The following ARHGAP24 variants were observed in gnomAD, a reference collection of about 807,000 sequenced individuals.
ARHGAP24 encodes rho GTPase-activating protein 24.
In ARHGAP24, 50 loss-of-function variants were observed where a neutral mutation model predicts 76.4. The ratio of observed to expected loss-of-function variants is 0.65; its 90% CI spans 0.52 to 0.83. The LOEUF (loss-of-function observed/expected upper bound fraction) is 0.83. Ranked by LOEUF, ARHGAP24 falls within the 40% of genes least tolerant of loss-of-function variation. The probability of loss-of-function intolerance (pLI) is 0.00; values close to 1 mark genes in which losing one functional copy is unlikely to be tolerated. For synonymous variants in ARHGAP24, 345 were observed against 323.3 expected (o/e 1.07, Z -0.72); for missense variants, 930 against 914.2 (o/e 1.02, Z -0.22).
chr4:85,590,192 G>GCCTGCCTT (rs1560543834), intron 2 of ARHGAP24, among the ~76,000 whole-genome samples: 20 of 111,308 alleles, frequency 1.8e-4, no homozygotes, highest in Middle Eastern at 4.6e-3. Context: ...CTGCCTGCCT[G>GCCTGCCTT]CCTTCCTTCC....
intron 2 of ARHGAP24, among the ~76,000 whole-genome samples, chr4:85,703,059 A>G (rs995724035): frequency 6.6e-6 from 1 of 152,010 alleles, no homozygotes; most frequent in Non-Finnish European, 1.5e-5. Flanking sequence ...AAAAGAAACT[A>G]AGGATCCTAC....
chr4:85,731,008 AC>A (rs1725379498), intron 3 of ARHGAP24, among the ~76,000 whole-genome samples: 2 of 131,606 alleles, frequency 1.5e-5, no homozygotes, highest in Non-Finnish European at 3.1e-5. Flanking sequence ...ACACACACAC[AC>A]ACACACACAC....
chr4:85,798,980 G>C (rs147594782), intron 3 of ARHGAP24, among the ~76,000 whole-genome samples: 1 of 152,252 alleles, frequency 6.6e-6, no homozygotes, highest in African/African-American at 2.4e-5. Flanking sequence ...TGCAAATAAA[G>C]AGGACAGAAA....
At chr4:85,522,903 A>T (rs1724842112) in intron 1 of ARHGAP24, among the ~76,000 whole-genome samples, 2 of 152,060 alleles carry the variant, frequency 1.3e-5, no homozygotes, top group African/African-American at 2.4e-5. Flanking sequence ...CCTCACTTTG[A>T]CTTTTCTTTT....
chr4:85,969,658 C>G (rs1738844294), intron 5 of ARHGAP24, among the ~76,000 whole-genome samples: 1 of 152,026 alleles, frequency 6.6e-6, no homozygotes, highest in Non-Finnish European at 1.5e-5. Context: ...TTTTTTACTA[C>G]TAATGACTGT....
chr4:85,987,335 T>G (rs1740061880), intron 8 of ARHGAP24, among the ~76,000 whole-genome samples: 2 of 152,200 alleles, frequency 1.3e-5, no homozygotes, highest in South Asian at 4.1e-4. Context: ...CTTCACTCTG[T>G]GCCAGAACGA....
At chr4:85,861,798 G>A (rs1463282951) in intron 3 of ARHGAP24, among the ~76,000 whole-genome samples, 5 of 151,924 alleles carry the variant, frequency 3.3e-5, no homozygotes, top group Admixed American at 2.0e-4. Context: ...AAAGATCCCC[G>A]CATGAGCCTA....
intron 4 of ARHGAP24, among the ~76,000 whole-genome samples, chr4:85,935,088 A>G (rs1420641819): frequency 1.3e-5 from 2 of 152,230 alleles, no homozygotes; most frequent in African/African-American, 2.4e-5. Context: ...GACAAGACCA[A>G]CATCCTCTTT....
chr4:85,898,383 CT>C (rs1734314136), intron 3 of ARHGAP24, among the ~76,000 whole-genome samples: 1 of 152,050 alleles, frequency 6.6e-6, no homozygotes, highest in African/African-American at 2.4e-5. Flanking sequence ...AGCTTCATGC[CT>C]AAACTAGGGT....
intron 2 of ARHGAP24, among the ~76,000 whole-genome samples, chr4:85,616,836 C>T (rs1350021223): frequency 1.3e-5 from 2 of 151,988 alleles, no homozygotes; most frequent in Admixed American, 6.5e-5. Flanking sequence ...CCATGTTGAC[C>T]AGGCTGGTCT....
chr4:85,952,391 G>C (rs1375137304), intron 5 of ARHGAP24, among the ~76,000 whole-genome samples: 1 of 152,090 alleles, frequency 6.6e-6, no homozygotes, highest in Non-Finnish European at 1.5e-5. Flanking sequence ...GCACATATCT[G>C]TCCTCAGCTG....
chr4:85,596,142 G>T (rs1719827554), intron 2 of ARHGAP24, among the ~76,000 whole-genome samples: 1 of 151,766 alleles, frequency 6.6e-6, no homozygotes. Context: ...TAAACAGAAT[G>T]GAATATGATG....
intron 3 of ARHGAP24, among the ~76,000 whole-genome samples, chr4:85,914,902 A>G (rs1318040838): frequency 1.3e-5 from 2 of 152,214 alleles, no homozygotes; most frequent in Non-Finnish European, 2.9e-5. Context: ...ATCTGAACAT[A>G]AATACCATCT....
chr4:85,798,206 G>C (rs149838496), intron 3 of ARHGAP24, among the ~76,000 whole-genome samples: 1 of 152,284 alleles, frequency 6.6e-6, no homozygotes, highest in African/African-American at 2.4e-5. Flanking sequence ...AGCAATAGTG[G>C]TATGCCTGTG....
intron 3 of ARHGAP24, among the ~76,000 whole-genome samples, chr4:85,790,035 A>G (rs1338507221): frequency 6.6e-6 from 1 of 152,150 alleles, no homozygotes; most frequent in Non-Finnish European, 1.5e-5. Flanking sequence ...AGGTGCAGAA[A>G]TCACTTGAAG....
intron 3 of ARHGAP24, among the ~76,000 whole-genome samples, chr4:85,874,460 T>C (rs1413364327): frequency 1.3e-5 from 2 of 152,122 alleles, no homozygotes; most frequent in African/African-American, 4.8e-5. Flanking sequence ...AATAAGCCAC[T>C]ACTGGAAAAA....
At chr4:85,597,476 G>C (rs1449104402) in intron 2 of ARHGAP24, among the ~76,000 whole-genome samples, 1 of 151,906 alleles carries the variant, frequency 6.6e-6, no homozygotes, top group Non-Finnish European at 1.5e-5. Flanking sequence ...AAGGGTGAGG[G>C]GTAAGGTGCA....
At chr4:85,910,540 C>T (rs1735019759) in intron 3 of ARHGAP24, among the ~76,000 whole-genome samples, 1 of 152,120 alleles carries the variant, frequency 6.6e-6, no homozygotes, top group South Asian at 2.1e-4. Context: ...GAGAGGAGAA[C>T]CTGGAGTGGG....
At chr4:85,854,142 A>G (rs1260355992) in intron 3 of ARHGAP24, among the ~76,000 whole-genome samples, 1 of 142,108 alleles carries the variant, frequency 7.0e-6, no homozygotes, top group Non-Finnish European at 1.5e-5. Context: ...TCTCAAAAAA[A>G]AAAAAAAAAA....
Sources: gnomAD v4.1 joint callset for allele counts (sites outside exome capture counted in the v4.1 genomes callset) on GRCh38, gnomAD v4.1.1 for gene constraint, MANE v1.5 for transcripts, NCBI Gene and HGNC (gene_info 2026-07-23, HGNC 2026-07-21) for gene names.